Variants in NKD2 observed in about 807,000 individuals in gnomAD.
NKD2 encodes protein naked cuticle homolog 2.
In NKD2, 43 loss-of-function variants were observed where a neutral mutation model predicts 34.8. The observed-to-expected ratio is 1.24, with a 90% CI of 0.97 to 1.60. The LOEUF is 1.60. Among genes scored for constraint, NKD2 ranks in the 40% most tolerant of loss-of-function variants. The pLI, the probability that NKD2 is intolerant of heterozygous loss-of-function variation, is 0.00. For missense variants in NKD2, 675 were observed against 627.1 expected (o/e 1.08, Z -0.82); for synonymous variants, 278 against 265.1 (o/e 1.05, Z -0.47).
At chr5:1,031,524 G>T (rs937801185) in intron 3 of NKD2, among the ~76,000 whole-genome samples, 15 of 151,650 alleles carry the variant, frequency 9.9e-5, no homozygotes, top group African/African-American at 3.4e-4. Context: ...GGGCCGAGGG[G>T]CTCCGCACCT....
chr5:1,038,672 T>G lies in NKD2; in HGVS notation c.*299T>G, dbSNP rs1012204579. ...TCTGTGTAACCCATAAAACCTGCTT[T>G]GATTCCAAAATGAGGCCCTGGAGTG... On this transcript the variant is annotated 3_prime_UTR_variant, in exon 10 of 10. Transcript: ENST00000296849. This position sits in a 1 kb window ranked among gnomAD's most constrained non-coding sequence, Gnocchi z 4.5. 2 of 626,140 alleles carry G rather than the reference T, an allele frequency of 3.2e-6. No individual in the cohort carries two copies. The highest frequency in any genetic ancestry group is 2.6e-5 in the Admixed American group (1 of 38,768). The allele number at this position is 626,140 out of a possible 1,614,324, so 38.8% of individuals were successfully genotyped here.
chr5:1,033,279 T>C, intron 4 of NKD2, 93 bp from the exon 5 acceptor site: 1 of 1,192,556 alleles, frequency 8.4e-7, no homozygotes. Flanking sequence ...AGGATCATGG[T>C]GTGGTGAGGG....
At chr5:1,029,895 C>T (rs889715671) in intron 3 of NKD2, among the ~76,000 whole-genome samples, 3 of 152,046 alleles carry the variant, frequency 2.0e-5, no homozygotes, top group Admixed American at 1.3e-4. Flanking sequence ...CCTCAGGCCC[C>T]AGGGCACCTC....
chr5:1,009,656 C>A lies in NKD2; in HGVS notation c.141+96C>A. The A allele has an allele frequency of 9.4e-7, 1 of 1,067,936 alleles. No homozygotes were observed. Among genetic ancestry groups the A allele is most frequent in the Non-Finnish European group, 1.2e-6 (1 of 801,488 alleles). 66.2% of individuals were successfully genotyped at this position (1,067,936 alleles called of 1,614,324 possible). A position where few individuals can be genotyped will look rare whatever the true frequency, so the allele number is the denominator to read the frequency against. On this transcript the variant is annotated intron_variant, in intron 3 of 9. Transcript: ENST00000296849. The surrounding 1 kb of genome is among the most constrained non-coding windows in gnomAD (Gnocchi z 6.9). ...TTCCTGGTGCCCGCCCGCGGACAGG[C>A]GAGACGTGGGCCGCCATGGCCGCAC... is the stretch of plus-strand genomic sequence containing the variant.
At chr5:1,037,183 A>G (rs1734023573) in intron 9 of NKD2, among the ~76,000 whole-genome samples, 1 of 152,130 alleles carries the variant, frequency 6.6e-6, no homozygotes, top group African/African-American at 2.4e-5. Flanking sequence ...CAGCACCCCT[A>G]TGTGGCCTGC....
intron 7 of NKD2, 55 bp from the exon 8 acceptor site, chr5:1,035,330 ATGAG>A: frequency 7.7e-7 from 1 of 1,305,238 alleles, no homozygotes. Flanking sequence ...GAGTGAATGA[ATGAG>A]TGAATGCTGA....
intron 3 of NKD2, among the ~76,000 whole-genome samples, chr5:1,028,668 G>C (rs2150742162): frequency 6.6e-6 from 1 of 152,212 alleles, no homozygotes; most frequent in South Asian, 2.1e-4. Context: ...AGTGGGACAG[G>C]CTAGAGGAGG....
In NKD2 at chr5:1,009,492, G is replaced by T. The variant is rs765439168; in HGVS notation, c.73G>T (p.Val25Leu). 16 of 1,499,712 alleles carry T rather than the reference G, an allele frequency of 1.1e-5. 1 individual carries two copies. In the South Asian group the frequency reaches 2.0e-4, roughly 19 times the overall value. The allele number at this position is 1,499,712 out of a possible 1,614,324, so 92.9% of individuals were successfully genotyped here. A position where few individuals can be genotyped will look rare whatever the true frequency, so the allele number is the denominator to read the frequency against. ...CCCCCGGACCGCAGGGGACAGCTTC[G>T]TGGCGTCCGCGTACGCGAGCGGCCG... ...RRESPEGDSFVASAYASGRKG... is the reference protein window; with the variant it reads ...RRESPEGDSFLASAYASGRKG... The change falls in exon 3 of 10, where the codon GTG (valine) becomes TTG (leucine). Residue 25 changes from valine to leucine, a missense_variant. Coordinates refer to ENST00000296849, the MANE Select transcript of NKD2 (RefSeq NM_033120.4). This position sits in a 1 kb window ranked among gnomAD's most constrained non-coding sequence, Gnocchi z 6.9.
intron 3 of NKD2, among the ~76,000 whole-genome samples, chr5:1,018,176 G>C (rs1199795332): frequency 2.0e-5 from 3 of 152,168 alleles, no homozygotes; most frequent in Non-Finnish European, 4.4e-5. Flanking sequence ...AAGGAGCCAC[G>C]GGCACAGCCT....
At chr5:1,024,632 C>G (rs1363893515) in intron 3 of NKD2, among the ~76,000 whole-genome samples, 1 of 81,400 alleles carries the variant, frequency 1.2e-5, no homozygotes, top group Non-Finnish European at 2.4e-5. Flanking sequence ...CTCTTCCCAC[C>G]CGCTGTGGGC....
chr5:1,035,408 C>T lies in NKD2; in HGVS notation c.594C>T (p.Cys198=), dbSNP rs779951874. The change falls in exon 8 of 10, where the codon TGC becomes TGT. Residue 198 remains cysteine, a synonymous_variant. Transcript: ENST00000296849. ...TTTCAGACCGGGAGCCCACCCGTTG[C>T]AGGATGGAGGGTGAACTGGCAGAGG... The part of the protein sequence containing the change: ...PAGQDREPTR[C]RMEGELAEEP... 2 of 1,559,222 alleles carry T rather than the reference C, an allele frequency of 1.3e-6. No individual in the cohort carries two copies. The highest frequency in any genetic ancestry group is 2.7e-5 in the African/African-American group (2 of 73,456).
chr5:1,009,159 C>G lies in NKD2; in HGVS notation c.26-20C>G. 2 of 559,156 alleles carry G rather than the reference C, an allele frequency of 3.6e-6. No individual in the cohort carries two copies. The highest frequency in any genetic ancestry group is 6.4e-6 in the Non-Finnish European group (2 of 311,404). The allele number at this position is 559,156 out of a possible 1,614,324, so 34.6% of individuals were successfully genotyped here. A position where few individuals can be genotyped will look rare whatever the true frequency, so the allele number is the denominator to read the frequency against. ...CCTCTCACTGTCGTTTTCCTCTCCC[C>G]GCGTCCCGCCGTGCCGCAGCCGCCG... On this transcript the variant is annotated intron_variant, in intron 1 of 9. Coordinates refer to ENST00000296849, the MANE Select transcript of NKD2 (RefSeq NM_033120.4). This position sits in a 1 kb window ranked among gnomAD's most constrained non-coding sequence, Gnocchi z 6.9.
intron 9 of NKD2, chr5:1,036,975 A>AG: frequency 6.1e-6 from 2 of 326,500 alleles, no homozygotes; most frequent in South Asian, 5.1e-5. Context: ...CAGTGTGGAC[A>AG]GCGAGCAGTG....
rs1579260339 is a variant in NKD2 at position 1,024,637 on chromosome 5, G to A, written c.142-7515G>A. Among the ~76,000 whole-genome samples, 4 of 79,238 alleles carry A rather than the reference G, an allele frequency of 5.0e-5. No homozygotes were observed. The South Asian group carries it at 1.3e-3, about 27-fold the overall frequency. 52.0% of individuals were successfully genotyped at this position (79,238 alleles called of 152,430 possible). A position where few individuals can be genotyped will look rare whatever the true frequency, so the allele number is the denominator to read the frequency against. On this transcript the variant is annotated intron_variant, in intron 3 of 9. Coordinates refer to ENST00000296849, the MANE Select transcript of NKD2 (RefSeq NM_033120.4). ...ATTGTCCCTGCTCTTCCCACCCGCT[G>A]TGGGCGTCCCAGCCCTTTGTCCCTG...
At chr5:1,037,716 G>T in intron 9 of NKD2, 89 bp from the exon 10 acceptor site, 1 of 1,557,428 alleles carries the variant, frequency 6.4e-7, no homozygotes, top group Middle Eastern at 1.7e-4. Context: ...CCCTGGCGCA[G>T]CTCTTCCAGT....
Position 1,037,583 on chromosome 5 carries a change from G to T in NKD2, c.788-222G>T, listed in dbSNP as rs544558146. 756 of 1,535,890 alleles carry T rather than the reference G, an allele frequency of 4.9e-4. 11 individuals carry two copies. The South Asian group carries it at 8.5e-3, about 17-fold the overall frequency. On this transcript the variant is annotated intron_variant, in intron 9 of 9. Coordinates refer to ENST00000296849, the MANE Select transcript of NKD2 (RefSeq NM_033120.4). The stretch of plus-strand genomic sequence containing the variant: ...ACACACAGTGGGGACAAGGCTAGAG[G>T]AGTCGGCCTTTGCAGGGAGCTGTGG...
intron 3 of NKD2, among the ~76,000 whole-genome samples, chr5:1,019,287 G>C (rs1756080437): frequency 6.6e-6 from 1 of 152,130 alleles, no homozygotes; most frequent in African/African-American, 2.4e-5. Context: ...CCTTGGATCC[G>C]GTGCCCTTCC....
Position 1,013,498 on chromosome 5 carries a change from C to G in NKD2, c.141+3938C>G, listed in dbSNP as rs558126644. Among the ~76,000 whole-genome samples, 6 of 152,348 alleles carry G rather than the reference C, an allele frequency of 3.9e-5. No individual in the cohort carries two copies. In the East Asian group the frequency reaches 9.7e-4, roughly 25 times the overall value. ...TTGCCAGGCCACCTGGTCATCCCCC[C>G]TTGTGGGAGGCGTCGAGGTCACCTC... On this transcript the variant is annotated intron_variant, in intron 3 of 9. Coordinates refer to ENST00000296849, the MANE Select transcript of NKD2 (RefSeq NM_033120.4).
Position 1,009,355 on chromosome 5 carries a change from C to CA in NKD2, c.62-125dup, listed in dbSNP as rs997232705. 4 of 701,746 alleles carry CA rather than the reference C, an allele frequency of 5.7e-6. No homozygotes were observed. The highest frequency in any genetic ancestry group is 4.0e-4 in the Middle Eastern group (1 of 2,488). The allele number at this position is 701,746 out of a possible 1,614,324, so 43.5% of individuals were successfully genotyped here. On this transcript the variant is annotated intron_variant, in intron 2 of 9. Transcript: ENST00000296849. This position sits in a 1 kb window ranked among gnomAD's most constrained non-coding sequence, Gnocchi z 6.9. ...GGTCTCCAGGAGCGCGCGGGACCCC[C>CA]ACGCCTGCCCCTGCGCGGTCTCCAG...
Sources: gnomAD v4.1 joint callset for allele counts (sites outside exome capture counted in the v4.1 genomes callset) on GRCh38, gnomAD v4.1.1 for gene constraint, Gnocchi (gnomAD v3.1) non-coding constraint, MANE v1.5 for transcripts, NCBI Gene and HGNC (gene_info 2026-07-23, HGNC 2026-07-21) for gene names.